Variants in VPS8 observed in about 807,000 individuals in gnomAD.
The protein encoded by VPS8 is VPS8 subunit of CORVET complex.
Under a neutral mutation model 216.4 loss-of-function variants are expected in VPS8, and 129 were observed. The ratio of observed to expected loss-of-function variants is 0.60; its 90% CI spans 0.52 to 0.69. The LOEUF (loss-of-function observed/expected upper bound fraction) is 0.69. Ranked by LOEUF, VPS8 falls within the 30% of genes least tolerant of loss-of-function variation. The pLI is 0.00. For synonymous variants in VPS8, 571 were observed against 565.4 expected (o/e 1.01, Z -0.14); for missense variants, 1,531 against 1,683.5 (o/e 0.91, Z 1.59).
intron 36 of VPS8, 36 bp downstream of exon 36, chr3:184,940,279 T>G (rs1266898973): frequency 1.2e-6 from 1 of 808,524 alleles, no homozygotes; most frequent in Non-Finnish European, 1.7e-6. Context: ...ATTATATATA[T>G]ATATATATAT....
chr3:184,834,731 G>A lies in VPS8; in HGVS notation c.436G>A (p.Val146Met). 6.4e-7 allele frequency: 1 copy of A among 1,559,950 alleles called. No individual in the cohort carries two copies. Among genetic ancestry groups the A allele is most frequent in the Non-Finnish European group, 8.7e-7 (1 of 1,150,840 alleles). Residue 146 changes from valine to methionine, a missense_variant, in exon 5 of 48, where the codon GTG (valine) becomes ATG (methionine). Physicochemically the swap from Val to Met is conservative, Grantham distance 21. This residue lies in a region of VPS8 where 199 missense variants were observed against 182.2 expected (regional missense o/e 1.09). Transcript: ENST00000625842. The part of the protein sequence containing the change: ...SLLKGISAQI[V>M]SAADKVDAGL... ...TTTGAAGGGAATTTCTGCCCAGATAGTGTCTGCAGCTGTAAGTATTTTGTT... is the reference window on the plus strand; with the variant it reads ...TTTGAAGGGAATTTCTGCCCAGATAATGTCTGCAGCTGTAAGTATTTTGTT...
intron 11 of VPS8, 95 bp from the exon 12 acceptor site, chr3:184,853,762 T>A: frequency 7.9e-7 from 1 of 1,263,018 alleles, no homozygotes; most frequent in Non-Finnish European, 1.1e-6. Flanking sequence ...GTTAAGGAGG[T>A]AGGAGGTAGG....
chr3:184,988,841 A>T (rs1751488793), intron 42 of VPS8, among the ~76,000 whole-genome samples: 2 of 152,206 alleles, frequency 1.3e-5, no homozygotes, highest in African/African-American at 4.8e-5. Context: ...AGAGTGTTAC[A>T]GTTTTCTTCA....
At chr3:184,828,305 A>C (rs987175993) in intron 3 of VPS8, among the ~76,000 whole-genome samples, 7 of 152,010 alleles carry the variant, frequency 4.6e-5, no homozygotes, top group African/African-American at 1.7e-4. Flanking sequence ...ACGCCCAGCT[A>C]ATTTTTATAT....
intron 40 of VPS8, among the ~76,000 whole-genome samples, chr3:184,978,633 C>T (rs1749705186): frequency 6.6e-6 from 1 of 152,196 alleles, no homozygotes; most frequent in Non-Finnish European, 1.5e-5. Flanking sequence ...CTCCTGGACT[C>T]AAGCAATCTC....
At chr3:184,958,171 T>C (rs1242633107) in intron 37 of VPS8, among the ~76,000 whole-genome samples, 3 of 152,146 alleles carry the variant, frequency 2.0e-5, no homozygotes, top group Non-Finnish European at 4.4e-5. Flanking sequence ...TTTGACGTAA[T>C]AGATTGGCAG....
chr3:184,883,744 C>T (rs1392410297), intron 21 of VPS8, among the ~76,000 whole-genome samples: 1 of 152,116 alleles, frequency 6.6e-6, no homozygotes, highest in Non-Finnish European at 1.5e-5. Flanking sequence ...TTTCACACTC[C>T]ATTAAGCCCT....
intron 22 of VPS8, among the ~76,000 whole-genome samples, chr3:184,891,118 A>AT (rs1732259867): frequency 6.6e-6 from 1 of 151,698 alleles, no homozygotes; most frequent in African/African-American, 2.4e-5. Context: ...TAAAGCAGTT[A>AT]TTTTAAAAAA....
At chr3:185,000,581 A>G (rs550712733) in intron 45 of VPS8, among the ~76,000 whole-genome samples, 1 of 150,266 alleles carries the variant, frequency 6.7e-6, no homozygotes, top group East Asian at 2.0e-4. Context: ...CATAGTGAAA[A>G]GTTGGGCTTG....
At chr3:184,815,173 A>G (rs1170774178) in intron 1 of VPS8, among the ~76,000 whole-genome samples, 2 of 152,204 alleles carry the variant, frequency 1.3e-5, no homozygotes, top group African/African-American at 4.8e-5. Flanking sequence ...ACTGTTTTAC[A>G]GCTAATTTTT....
At chr3:184,876,999 C>T (rs1729388018) in intron 21 of VPS8, among the ~76,000 whole-genome samples, 1 of 152,192 alleles carries the variant, frequency 6.6e-6, no homozygotes, top group Non-Finnish European at 1.5e-5. Context: ...TTCTAAGGCT[C>T]TGCATGGTCT....
At chr3:185,024,471 C>A (rs997288435) in intron 46 of VPS8, 82 bp downstream of exon 46, 1 of 1,391,130 alleles carries the variant, frequency 7.2e-7, no homozygotes, top group Non-Finnish European at 9.9e-7. Context: ...CTCAACATGG[C>A]AATGATTTTT....
At chr3:184,869,317 T>G (rs1181027335) in intron 19 of VPS8, among the ~76,000 whole-genome samples, 165 bp from the exon 20 acceptor site, 1 of 152,246 alleles carries the variant, frequency 6.6e-6, no homozygotes, top group East Asian at 1.9e-4. Context: ...GTCCAGTAGA[T>G]TTGAGGTGTT....
chr3:184,839,009 A>AC, intron 6 of VPS8: 1 of 325,960 alleles, frequency 3.1e-6, no homozygotes, highest in Non-Finnish European at 5.6e-6. Context: ...TTGTAGTACT[A>AC]CCCTGCCCAA....
At chr3:184,815,212 T>G (rs774857552) in intron 1 of VPS8, among the ~76,000 whole-genome samples, 2 of 152,188 alleles carry the variant, frequency 1.3e-5, no homozygotes, top group Admixed American at 6.5e-5. Flanking sequence ...ATGAGTACAC[T>G]CTAAAGATAA....
At chr3:184,816,617 A>T (rs531190171) in intron 1 of VPS8, among the ~76,000 whole-genome samples, 1 of 152,336 alleles carries the variant, frequency 6.6e-6, no homozygotes, top group African/African-American at 2.4e-5. Flanking sequence ...TAGGGTCTGT[A>T]TCTAAATGAA....
chr3:184,896,994 T>TA (rs529165212), intron 23 of VPS8, among the ~76,000 whole-genome samples: 27 of 151,242 alleles, frequency 1.8e-4, no homozygotes, highest in South Asian at 1.5e-3. Flanking sequence ...AGCTAGCATT[T>TA]AAAAAAAAAG....
At chr3:184,866,252 A>G (rs1284306128) in intron 16 of VPS8, among the ~76,000 whole-genome samples, 1 of 152,252 alleles carries the variant, frequency 6.6e-6, no homozygotes, top group Non-Finnish European at 1.5e-5. Flanking sequence ...TGGCTACAAC[A>G]TGGATGAATC....
intron 21 of VPS8, among the ~76,000 whole-genome samples, chr3:184,873,091 GC>G (rs1728644778): frequency 6.6e-6 from 1 of 152,094 alleles, no homozygotes; most frequent in Non-Finnish European, 1.5e-5. Flanking sequence ...CATACGATGT[GC>G]CAGATACTAT....
Sources: gnomAD v4.1 joint callset for allele counts (sites outside exome capture counted in the v4.1 genomes callset) on GRCh38, gnomAD v4.1.1 for gene constraint, gnomAD v4.1.1 regional missense constraint, MANE v1.5 for transcripts, NCBI Gene and HGNC (gene_info 2026-07-23, HGNC 2026-07-21) for gene names.